KCNB2: variants seen among roughly 807,000 people sequenced by gnomAD.
KCNB2 encodes the protein potassium voltage-gated channel subfamily B member 2.
In KCNB2, 15 loss-of-function variants were observed where a neutral mutation model predicts 61.5. The observed-to-expected ratio is 0.24, with a 90% CI of 0.16 to 0.38. The LOEUF (loss-of-function observed/expected upper bound fraction) is 0.38. Ranked by LOEUF, KCNB2 falls within the 10% of genes least tolerant of loss-of-function variation. The probability of loss-of-function intolerance (pLI) is 1.00; values close to 1 mark genes in which losing one functional copy is unlikely to be tolerated. For missense variants in KCNB2, 828 were observed against 1,125.2 expected (o/e 0.74, Z 3.78); for synonymous variants, 457 against 446.0 (o/e 1.02, Z -0.31).
chr8:72,632,297 A>G (rs370909280), intron 2 of KCNB2, among the ~76,000 whole-genome samples: 3 of 152,276 alleles, frequency 2.0e-5, no homozygotes, highest in African/African-American at 2.4e-5. Flanking sequence ...ATATTATTTC[A>G]TGAAGTGAAA....
chr8:72,796,616 G>C (rs183234979), intron 2 of KCNB2, among the ~76,000 whole-genome samples: 17 of 152,196 alleles, frequency 1.1e-4, no homozygotes, highest in African/African-American at 3.9e-4. Context: ...GAGATAATAA[G>C]ATTGGGATTA....
At chr8:72,926,160 A>G (rs534412609) in intron 2 of KCNB2, among the ~76,000 whole-genome samples, 1 of 152,300 alleles carries the variant, frequency 6.6e-6, no homozygotes, top group African/African-American at 2.4e-5. Flanking sequence ...CTCAATACCT[A>G]GGTGATGGGT....
intron 2 of KCNB2, among the ~76,000 whole-genome samples, chr8:72,787,442 G>A (rs1046986247): frequency 6.6e-6 from 1 of 151,898 alleles, no homozygotes; most frequent in Admixed American, 6.6e-5. Flanking sequence ...TTTTATGTAA[G>A]CTAAAGTGAG....
intron 2 of KCNB2, among the ~76,000 whole-genome samples, chr8:72,644,192 A>T (rs1436609334): frequency 6.6e-6 from 1 of 152,056 alleles, no homozygotes; most frequent in Admixed American, 6.6e-5. Flanking sequence ...AAACTTAATT[A>T]CCCATGTGCA....
chr8:72,749,783 T>TTATATATAA (rs200700859), intron 2 of KCNB2, among the ~76,000 whole-genome samples: 1 of 146,724 alleles, frequency 6.8e-6, no homozygotes, highest in East Asian at 1.9e-4. Flanking sequence ...TATACAAATA[T>TTATATATAA]TATATATAAT....
chr8:72,589,618 C>T (rs60847241), intron 2 of KCNB2, among the ~76,000 whole-genome samples: 83 of 152,314 alleles, frequency 5.4e-4, no homozygotes, highest in African/African-American at 1.9e-3. Context: ...GTCTAATTAT[C>T]TAAACCTAGA....
At chr8:72,802,903 CT>C (rs1184663848) in intron 2 of KCNB2, among the ~76,000 whole-genome samples, 3 of 152,156 alleles carry the variant, frequency 2.0e-5, no homozygotes, top group African/African-American at 7.2e-5. Context: ...TTTCTTCACT[CT>C]TTTGATGAAT....
chr8:72,899,518 CTT>C (rs1049758387), intron 2 of KCNB2, among the ~76,000 whole-genome samples: 1 of 152,278 alleles, frequency 6.6e-6, no homozygotes, highest in East Asian at 1.9e-4. Flanking sequence ...TGATAAATGA[CTT>C]TAGTAAAGTT....
At chr8:72,777,456 C>A (rs1325303788) in intron 2 of KCNB2, among the ~76,000 whole-genome samples, 1 of 152,054 alleles carries the variant, frequency 6.6e-6, no homozygotes, top group Non-Finnish European at 1.5e-5. Flanking sequence ...CAAGGTAACC[C>A]CTACCACAGG....
chr8:72,703,297 G>A (rs1465161199), intron 2 of KCNB2, among the ~76,000 whole-genome samples: 1 of 152,218 alleles, frequency 6.6e-6, no homozygotes, highest in Non-Finnish European at 1.5e-5. Flanking sequence ...GCCTCTCAAA[G>A]ATGGAGATTG....
intron 2 of KCNB2, among the ~76,000 whole-genome samples, chr8:72,738,297 C>T (rs1327763642): frequency 1.3e-5 from 2 of 151,786 alleles, no homozygotes; most frequent in Non-Finnish European, 2.9e-5. Context: ...ATGTATCTTT[C>T]TGCTTTTATT....
chr8:72,694,859 T>C (rs1299278771), intron 2 of KCNB2, among the ~76,000 whole-genome samples: 1 of 151,740 alleles, frequency 6.6e-6, no homozygotes, highest in African/African-American at 2.4e-5. Flanking sequence ...TAAAATAAAA[T>C]AGTTAATAGA....
intron 2 of KCNB2, among the ~76,000 whole-genome samples, chr8:72,636,056 T>C (rs1021180543): frequency 6.6e-6 from 1 of 152,106 alleles, no homozygotes; most frequent in African/African-American, 2.4e-5. Flanking sequence ...ATGGCATTTA[T>C]AAATGTGCCG....
intron 2 of KCNB2, among the ~76,000 whole-genome samples, chr8:72,823,952 G>A (rs1809554360): frequency 6.6e-6 from 1 of 152,038 alleles, no homozygotes; most frequent in African/African-American, 2.4e-5. Flanking sequence ...TCTTGTAGCT[G>A]GTATACCCAA....
chr8:72,588,811 G>A (rs570373183), intron 2 of KCNB2, among the ~76,000 whole-genome samples: 4 of 152,172 alleles, frequency 2.6e-5, no homozygotes, highest in African/African-American at 9.6e-5. Flanking sequence ...TGGGAGAATT[G>A]CTTGAGCCCA....
chr8:72,617,177 A>T (rs1417992013), intron 2 of KCNB2, among the ~76,000 whole-genome samples: 1 of 152,128 alleles, frequency 6.6e-6, no homozygotes, highest in East Asian at 1.9e-4. Context: ...CTTAGCTAGG[A>T]GGTATCCTTA....
At chr8:72,619,345 G>A (rs1290542768) in intron 2 of KCNB2, 2 of 580,426 alleles carry the variant, frequency 3.4e-6, no homozygotes, top group Non-Finnish European at 6.7e-6. Flanking sequence ...TCTTGAAGAG[G>A]CTTGGCTTCT....
chr8:72,924,597 T>C (rs867762712), intron 2 of KCNB2, among the ~76,000 whole-genome samples: 3 of 152,174 alleles, frequency 2.0e-5, no homozygotes, highest in Admixed American at 1.3e-4. Flanking sequence ...GAGCAGATAA[T>C]AGAATGTGTC....
At chr8:72,710,947 G>A (rs1056968118) in intron 2 of KCNB2, among the ~76,000 whole-genome samples, 13 of 152,136 alleles carry the variant, frequency 8.5e-5, no homozygotes, top group African/African-American at 2.7e-4. Context: ...GAACTTCATC[G>A]ATCAACATAG....
Sources: gnomAD v4.1 joint callset for allele counts (sites outside exome capture counted in the v4.1 genomes callset) on GRCh38, gnomAD v4.1.1 for gene constraint, MANE v1.5 for transcripts, NCBI Gene and HGNC (gene_info 2026-07-23, HGNC 2026-07-21) for gene names.